The following CD200 variants were observed in gnomAD, a reference collection of about 807,000 sequenced individuals.
CD200 encodes OX-2 membrane glycoprotein.
CD200 carries 15 observed loss-of-function variants against 30.9 expected under a neutral mutation model. The observed-to-expected ratio is 0.49, with a 90% confidence interval of 0.32 to 0.75. The LOEUF is 0.75. Among genes scored for constraint, CD200 ranks in the 30% least tolerant of loss-of-function variants. The probability of loss-of-function intolerance (pLI) is 0.03; values close to 1 mark genes in which losing one functional copy is unlikely to be tolerated. For synonymous variants in CD200, 134 were observed against 126.2 expected (o/e 1.06, Z -0.41); for missense variants, 262 against 324.2 (o/e 0.81, Z 1.47).
intron 3 of CD200, among the ~76,000 whole-genome samples, chr3:112,346,559 A>T (rs2081398691): frequency 6.6e-6 from 1 of 152,154 alleles, no homozygotes; most frequent in Admixed American, 6.5e-5. Flanking sequence ...TGGCCCATCA[A>T]CCATATTCAT....
intron 2 of CD200, among the ~76,000 whole-genome samples, chr3:112,343,674 G>A (rs566247739): frequency 4.6e-5 from 7 of 151,624 alleles, no homozygotes; most frequent in African/African-American, 7.3e-5. Context: ...GAAGGTTCTC[G>A]GTATGATTGT....
intron 1 of CD200, chr3:112,333,448 G>A (rs1435838587): frequency 1.0e-6 from 1 of 985,258 alleles, no homozygotes; most frequent in Non-Finnish European, 1.2e-6. Flanking sequence ...AGCTGCTGGC[G>A]TCCAGATTCT....
intron 1 of CD200, among the ~76,000 whole-genome samples, chr3:112,338,288 T>C (rs9881834): frequency 0.35 from 53,325 of 152,090 alleles, 9,560 homozygotes; most frequent in South Asian, 0.48. Flanking sequence ...TCATCCTGGA[T>C]GACTTGAGTG....
chr3:112,337,765 G>C (rs981146696), intron 1 of CD200, among the ~76,000 whole-genome samples: 2 of 152,080 alleles, frequency 1.3e-5, no homozygotes, highest in African/African-American at 4.8e-5. Context: ...AATGAAAGAA[G>C]TATAGTTGTC....
chr3:112,336,100 T>C (rs1294444335), intron 1 of CD200: 8 of 933,442 alleles, frequency 8.6e-6, no homozygotes, highest in Admixed American at 5.5e-5. Context: ...TATATAAGAT[T>C]AATGTTTGTG....
chr3:112,360,592 A>G (rs2081721881), intron 5 of CD200, among the ~76,000 whole-genome samples: 2 of 152,194 alleles, frequency 1.3e-5, no homozygotes, highest in South Asian at 4.1e-4. Context: ...ATATTGAGCC[A>G]TGTTGGGAGA....
upstream of CD200, chr3:112,333,032 C>A (rs1051845538): frequency 4.9e-6 from 4 of 811,720 alleles, no homozygotes; most frequent in African/African-American, 5.2e-5. Context: ...TAATTCCCCC[C>A]ACACAGACAG....
chr3:112,352,240 T>C (rs2081545986), intron 5 of CD200, among the ~76,000 whole-genome samples: 1 of 152,132 alleles, frequency 6.6e-6, no homozygotes, highest in African/African-American at 2.4e-5. Context: ...ATACAAAAAG[T>C]TGGGACAAAG....
chr3:112,338,393 TG>T (rs1474422714), intron 1 of CD200, among the ~76,000 whole-genome samples: 4 of 152,230 alleles, frequency 2.6e-5, no homozygotes, highest in African/African-American at 4.8e-5. Flanking sequence ...CATTCCTTCA[TG>T]TTTTTTTTAT....
upstream of CD200, chr3:112,332,605 A>G (rs941234951): frequency 1.4e-4 from 28 of 198,602 alleles, no homozygotes; most frequent in African/African-American, 6.4e-4. Context: ...GAAGAAGAAG[A>G]AGGAGAAGAA....
Position 112,348,558 on chromosome 3 carries a change from A to G in CD200, c.694+728A>G, listed in dbSNP as rs552007848. Among the ~76,000 whole-genome samples, 4 of 152,326 alleles carry G rather than the reference A, an allele frequency of 2.6e-5. No homozygotes were observed. The East Asian group carries it at 7.7e-4, about 29-fold the overall frequency. On this transcript the variant is annotated intron_variant, in intron 4 of 5. Transcript: ENST00000315711. ...ATAAAGACAAGAAGTTTTAGCAATA[A>G]TAGCCACGTCTTTTCTCTGTGTAGT...
chr3:112,347,366 C>A (rs1020684886), intron 3 of CD200, among the ~76,000 whole-genome samples, 192 bp from the exon 4 acceptor site: 1 of 152,214 alleles, frequency 6.6e-6, no homozygotes, highest in Non-Finnish European at 1.5e-5. Context: ...CTAGGCCAGT[C>A]TCCATCCTGC....
At chr3:112,334,775 A>G (rs2081075605) in intron 1 of CD200, among the ~76,000 whole-genome samples, 1 of 152,140 alleles carries the variant, frequency 6.6e-6, no homozygotes, top group Admixed American at 6.5e-5. Flanking sequence ...AAATAAAAAT[A>G]CGTATCTATT....
intron 5 of CD200, among the ~76,000 whole-genome samples, chr3:112,357,646 A>G (rs942852471): frequency 1.3e-5 from 2 of 152,224 alleles, no homozygotes; most frequent in Non-Finnish European, 2.9e-5. Context: ...GCTTTGAGGA[A>G]GATTTCAGGT....
chr3:112,351,200 C>T (rs1039946096), intron 5 of CD200, among the ~76,000 whole-genome samples: 6 of 152,290 alleles, frequency 3.9e-5, no homozygotes, highest in Admixed American at 2.0e-4. Flanking sequence ...GACTAAACCC[C>T]GGTGCCCTGA....
At chr3:112,344,141 T>C (rs1479876445) in intron 2 of CD200, among the ~76,000 whole-genome samples, 1 of 152,244 alleles carries the variant, frequency 6.6e-6, no homozygotes, top group African/African-American at 2.4e-5. Context: ...TCATCACATG[T>C]ATTCATGTCA....
chr3:112,342,326 TTTCTTTCTTTCCTTCTTTC>T lies in CD200; in HGVS notation c.94+1346_94+1364del, dbSNP rs2081265775. Among the ~76,000 whole-genome samples the T allele has an allele frequency of 1.9e-4, 6 of 32,192 alleles. 2 individuals are homozygous for T. The East Asian group carries it at 2.4e-3, about 13-fold the overall frequency. The allele number at this position is 32,192 out of a possible 152,430, so 21.1% of individuals were successfully genotyped here. On this transcript the variant is annotated intron_variant, in intron 2 of 5. Coordinates refer to ENST00000315711, the MANE Select transcript of CD200 (RefSeq NM_005944.7). ...CCTTCCTTTCTTCTTTCTTTCTTTC[TTTCTTTCTTTCCTTCTTTC>T]TTTCTTTCTTTCTTTCTTTCTTTCT...
Position 112,361,822 on chromosome 3 carries a change from G to C in CD200, c.*272G>C, listed in dbSNP as rs538515790. ...TGTGGTTGAAAGGGCACTGGACTTA[G>C]TTAGTATCAGGAGCACTGAGCTCAC... On this transcript the variant is annotated 3_prime_UTR_variant, in exon 6 of 6. Transcript: ENST00000315711. The C allele has an allele frequency of 9.7e-6, 5 of 514,730 alleles. No individual in the cohort carries two copies. Among genetic ancestry groups the C allele is most frequent in the East Asian group, 3.3e-5 (1 of 30,144 alleles). The allele number at this position is 514,730 out of a possible 1,614,324, so 31.9% of individuals were successfully genotyped here.
chr3:112,344,042 C>G (rs1202086707), intron 2 of CD200, among the ~76,000 whole-genome samples: 2 of 152,052 alleles, frequency 1.3e-5, no homozygotes, highest in African/African-American at 4.8e-5. Context: ...CTAAGTCAGC[C>G]TATCTGTTGC....
Sources: gnomAD v4.1 joint callset for allele counts (sites outside exome capture counted in the v4.1 genomes callset) on GRCh38, gnomAD v4.1.1 for gene constraint, MANE v1.5 for transcripts, NCBI Gene and HGNC (gene_info 2026-07-23, HGNC 2026-07-21) for gene names.